The following RAI14 variants were observed in gnomAD, a reference collection of about 807,000 sequenced individuals.
RAI14 encodes ankycorbin.
Under a neutral mutation model 115.4 loss-of-function variants are expected in RAI14, and 45 were observed. The ratio of observed to expected loss-of-function variants is 0.39; its 90% CI spans 0.31 to 0.50. The LOEUF is 0.50. Among genes scored for constraint, RAI14 ranks in the 20% least tolerant of loss-of-function variants. The probability of loss-of-function intolerance (pLI) is 0.85; values close to 1 mark genes in which losing one functional copy is unlikely to be tolerated. For missense variants in RAI14, 939 were observed against 1,131.2 expected, an observed-to-expected ratio of 0.83 and a Z score of 2.44; for synonymous variants, 371 against 415.4, an observed-to-expected ratio of 0.89 and a Z score of 1.30.
intron 2 of RAI14, among the ~76,000 whole-genome samples, chr5:34,726,647 G>A (rs937623510): frequency 1.3e-5 from 2 of 152,140 alleles, no homozygotes; most frequent in African/African-American, 4.8e-5. Flanking sequence ...GGACCTGGTG[G>A]GAGGTAATTG....
Position 34,681,886 on chromosome 5 carries a change from G to A in RAI14, c.-48-4986G>A, listed in dbSNP as rs187909245. Among the ~76,000 whole-genome samples, 1,278 of 135,430 alleles carry A rather than the reference G, an allele frequency of 9.4e-3. 12 individuals are homozygous for A. Among genetic ancestry groups the A allele is most frequent in the South Asian group, 0.048 (208 of 4,326 alleles). 88.8% of individuals were successfully genotyped at this position (135,430 alleles called of 152,430 possible). Reference sequence around the variant, plus strand: ...TTTTTTTTTTTTGAGATGGAGTTTCGCTCTTGTTGCCCAGGCTGGAGTGCA... The same window carrying A: ...TTTTTTTTTTTTGAGATGGAGTTTCACTCTTGTTGCCCAGGCTGGAGTGCA... On this transcript the variant is annotated intron_variant, in intron 1 of 17. Coordinates refer to ENST00000265109, the MANE Select transcript of RAI14 (RefSeq NM_015577.3).
At position 34,810,557 on chromosome 5, in the gene RAI14, C is replaced by T. The variant is rs142075351; in HGVS notation, c.451-455C>T. Among the ~76,000 whole-genome samples the T allele has an allele frequency of 2.0e-3, 301 of 152,198 alleles. 2 individuals are homozygous for T. Among genetic ancestry groups the T allele is most frequent in the African/African-American group, 6.8e-3 (281 of 41,512 alleles). ...GCAAGATTACTAAAGGGTACACTTT[C>T]GGTAAAAGTGGAATGGCAGGATATA... On this transcript the variant is annotated intron_variant, in intron 7 of 17. Transcript: ENST00000265109.
intron 1 of RAI14, among the ~76,000 whole-genome samples, chr5:34,683,433 T>TA (rs113838230): frequency 0.045 from 6,466 of 143,224 alleles, 421 homozygotes; most frequent in African/African-American, 0.14. Flanking sequence ...ACTGCATGCT[T>TA]AAAAAAAAAA....
rs114611742 is a variant in RAI14 at position 34,700,318 on chromosome 5, G to A, written c.36+13363G>A. Among the ~76,000 whole-genome samples the A allele has an allele frequency of 3.2e-3, 484 of 152,234 alleles. 6 individuals carry two copies. Among genetic ancestry groups the A allele is most frequent in the African/African-American group, 0.011 (458 of 41,544 alleles). On this transcript the variant is annotated intron_variant, in intron 2 of 17. Coordinates refer to ENST00000265109, the MANE Select transcript of RAI14 (RefSeq NM_015577.3). Reference sequence around the variant, plus strand: ...TTGTAAGCTCTGGTCAGTGTTCAGTGAGTTAAGTCCAGCAGTCATTGGAGT... The same window carrying A: ...TTGTAAGCTCTGGTCAGTGTTCAGTAAGTTAAGTCCAGCAGTCATTGGAGT...
At position 34,831,094 on chromosome 5, in the gene RAI14, C is replaced by T. The variant is rs765487711; in HGVS notation, c.*329C>T. ...ACTGGCTGAGTGGCTTTATCACCAC[C>T]GAGTGATGTGCTGAGGCCTCCTGCA... On this transcript the variant is annotated 3_prime_UTR_variant, in exon 18 of 18. Transcript: ENST00000265109. 4 of 272,626 alleles carry T rather than the reference C, an allele frequency of 1.5e-5. No individual in the cohort carries two copies. The highest frequency in any genetic ancestry group is 5.1e-5 in the South Asian group (1 of 19,530). 16.9% of individuals were successfully genotyped at this position (272,626 alleles called of 1,614,324 possible).
At chr5:34,715,262 G>T (rs549578977) in intron 2 of RAI14, among the ~76,000 whole-genome samples, 3 of 152,150 alleles carry the variant, frequency 2.0e-5, no homozygotes, top group Admixed American at 2.0e-4. Context: ...TACCAAATGT[G>T]GGTGTTCCTG....
At chr5:34,814,083 T>A (rs1755904555) in intron 11 of RAI14, among the ~76,000 whole-genome samples, 1 of 152,222 alleles carries the variant, frequency 6.6e-6, no homozygotes, top group African/African-American at 2.4e-5. Flanking sequence ...ACATTTGCCT[T>A]TTTAATTGCT....
intron 4 of RAI14, among the ~76,000 whole-genome samples, chr5:34,798,334 C>T (rs948194124): frequency 3.6e-5 from 5 of 140,130 alleles, no homozygotes; most frequent in South Asian, 2.4e-4. Context: ...CCACCAAGCC[C>T]GGCCAGAATA....
intron 3 of RAI14, among the ~76,000 whole-genome samples, chr5:34,769,376 A>C (rs1317932232): frequency 6.6e-6 from 1 of 152,156 alleles, no homozygotes; most frequent in Non-Finnish European, 1.5e-5. Flanking sequence ...TTAGTTTTTC[A>C]AGGCTTTTAT....
chr5:34,694,719 C>T lies in RAI14; in HGVS notation c.36+7764C>T, dbSNP rs186539379. On this transcript the variant is annotated intron_variant, in intron 2 of 17. Transcript: ENST00000265109. ...AGCTGGAAAGTGTAGAGGTTTATAACGTAAGAATAGAACAAGAAAAAGTTT... is the reference window on the plus strand; with the variant it reads ...AGCTGGAAAGTGTAGAGGTTTATAATGTAAGAATAGAACAAGAAAAAGTTT... Among the ~76,000 whole-genome samples the T allele has an allele frequency of 4.2e-3, 646 of 152,192 alleles. 2 individuals carry two copies. The highest frequency in any genetic ancestry group is 7.7e-3 in the Non-Finnish European group (523 of 68,004).
intron 2 of RAI14, among the ~76,000 whole-genome samples, chr5:34,709,129 C>CAA (rs35361351): frequency 0.22 from 21,122 of 95,654 alleles, 2,274 homozygotes; most frequent in Non-Finnish European, 0.3. Flanking sequence ...GACCCTATCT[C>CAA]AAAAAAAAAA....
chr5:34,683,997 G>A (rs962035212), intron 1 of RAI14, among the ~76,000 whole-genome samples: 2 of 152,208 alleles, frequency 1.3e-5, no homozygotes, highest in African/African-American at 4.8e-5. Context: ...AAAGTGCTGG[G>A]ATTACAGGCG....
At chr5:34,782,333 A>G (rs1751761073) in intron 3 of RAI14, among the ~76,000 whole-genome samples, 1 of 152,090 alleles carries the variant, frequency 6.6e-6, no homozygotes, top group Admixed American at 6.5e-5. Flanking sequence ...ACGGTGAGCT[A>G]CTTCTCCCAG....
rs1206948747 is a variant in RAI14, at chr5:34,665,146, T to C, written c.-49+8671T>C. Among the ~76,000 whole-genome samples the C allele has an allele frequency of 1.2e-4, 8 of 67,680 alleles. 2 individuals are homozygous for C. Among genetic ancestry groups the C allele is most frequent in the African/African-American group, 3.8e-4 (8 of 21,112 alleles). 44.4% of individuals were successfully genotyped at this position (67,680 alleles called of 152,430 possible). ...ATATGTATGTGTATATATATACACA[T>C]ATATATGTGTGTGTATATATATATA... On this transcript the variant is annotated intron_variant, in intron 1 of 17. Coordinates refer to ENST00000265109, the MANE Select transcript of RAI14 (RefSeq NM_015577.3).
chr5:34,758,285 A>G (rs1748161529), intron 3 of RAI14, among the ~76,000 whole-genome samples: 1 of 152,198 alleles, frequency 6.6e-6, no homozygotes, highest in Non-Finnish European at 1.5e-5. Context: ...GTATAAAATG[A>G]AATAATAATG....
intron 1 of RAI14, among the ~76,000 whole-genome samples, chr5:34,675,752 T>C (rs1743934207): frequency 7.2e-6 from 1 of 139,188 alleles, no homozygotes; most frequent in Admixed American, 7.5e-5. Flanking sequence ...CTCTGTCTCT[T>C]AAAAAAAAGA....
At chr5:34,656,820 G>T (rs1251266045) in intron 1 of RAI14, 6 of 152,778 alleles carry the variant, frequency 3.9e-5, no homozygotes, top group South Asian at 1.9e-4. Context: ...GAGGGAGCGC[G>T]GGTGGGAATG....
intron 2 of RAI14, among the ~76,000 whole-genome samples, chr5:34,696,618 C>T (rs774443384): frequency 6.6e-6 from 1 of 152,208 alleles, no homozygotes; most frequent in Non-Finnish European, 1.5e-5. Context: ...GGATGATTGA[C>T]TCAGCCACAG....
chr5:34,684,305 G>A (rs1051116512), intron 1 of RAI14, among the ~76,000 whole-genome samples: 2 of 152,156 alleles, frequency 1.3e-5, no homozygotes, highest in Non-Finnish European at 2.9e-5. Flanking sequence ...TACCCCTTGA[G>A]ATTCAGTTTT....
Sources: allele counts gnomAD v4.1 joint callset (sites outside exome capture counted in the v4.1 genomes callset), GRCh38; gene constraint gnomAD v4.1.1; transcripts MANE v1.5; gene names NCBI Gene and HGNC (gene_info 2026-07-23, HGNC 2026-07-21).